Variants in ASB3 observed in about 807,000 individuals in gnomAD.
ASB3 encodes ankyrin repeat and SOCS box protein 3.
Under a neutral mutation model 54.5 loss-of-function variants are expected in ASB3, and 41 were observed. That is an observed-to-expected ratio of 0.75 (90% CI 0.59 to 0.98). The LOEUF is 0.98. ASB3 is among the 50% of genes least tolerant of loss of function. ASB3 has a pLI of 0.00. For synonymous variants in ASB3, 266 were observed against 221.2 expected, an observed-to-expected ratio of 1.20 and a Z score of -1.80; for missense variants, 733 against 620.0, an observed-to-expected ratio of 1.18 and a Z score of -1.94.
intron 7 of ASB3, among the ~76,000 whole-genome samples, chr2:53,709,075 G>A (rs1437704244): frequency 6.6e-6 from 1 of 152,192 alleles, no homozygotes; most frequent in Non-Finnish European, 1.5e-5. Context: ...AACCACCAGG[G>A]GGTGGTGGAA....
At chr2:53,695,118 C>T (rs1669116989) in intron 8 of ASB3, among the ~76,000 whole-genome samples, 1 of 151,904 alleles carries the variant, frequency 6.6e-6, no homozygotes, top group South Asian at 2.1e-4. Context: ...GGAGGTATTA[C>T]GGAGCAACAA....
chr2:53,704,089 C>T (rs1350404701), intron 7 of ASB3, among the ~76,000 whole-genome samples: 4 of 152,054 alleles, frequency 2.6e-5, no homozygotes, highest in Non-Finnish European at 4.4e-5. Flanking sequence ...AAGGGCTAGG[C>T]GTGGTGGCTC....
intron 5 of ASB3, among the ~76,000 whole-genome samples, chr2:53,720,716 A>G (rs903172642): frequency 3.9e-5 from 6 of 152,200 alleles, no homozygotes; most frequent in Admixed American, 2.6e-4. Flanking sequence ...TGTAAATTCA[A>G]CATTTGACCA....
intron 1 of ASB3, among the ~76,000 whole-genome samples, chr2:53,777,598 C>G (rs1674411749): frequency 6.6e-6 from 1 of 152,056 alleles, no homozygotes. Context: ...ACTTATTGTA[C>G]TAAAACCAGT....
At chr2:53,727,467 A>T (rs915865361) in intron 5 of ASB3, among the ~76,000 whole-genome samples, 1 of 130,806 alleles carries the variant, frequency 7.6e-6, no homozygotes, top group South Asian at 3.1e-4. Context: ...CACATGTCTT[A>T]AAAAAAAAAG....
intron 2 of ASB3, among the ~76,000 whole-genome samples, chr2:53,758,265 G>A (rs143712238): frequency 2.0e-5 from 3 of 152,204 alleles, no homozygotes; most frequent in African/African-American, 4.8e-5. Flanking sequence ...AGTAACCCAC[G>A]GAAAAAGGCA....
intron 1 of ASB3, 46 bp from the exon 2 acceptor site, chr2:53,765,631 A>C: frequency 6.2e-7 from 1 of 1,609,190 alleles, no homozygotes; most frequent in Non-Finnish European, 8.5e-7. Context: ...ATAAAACAAC[A>C]CTTCACTCCT....
At chr2:53,709,477 G>C (rs76869611) in intron 7 of ASB3, among the ~76,000 whole-genome samples, 115 of 152,302 alleles carry the variant, frequency 7.6e-4, no homozygotes, top group African/African-American at 2.5e-3. Context: ...CCAGAAAGAG[G>C]AGGGAAGGAG....
Position 53,765,403 on chromosome 2 carries a change from T to G in ASB3, c.170A>C (p.Glu57Ala). 1.9e-6 allele frequency: 3 copies of G among 1,614,212 alleles called. No individual in the cohort carries two copies. The highest frequency in any genetic ancestry group is 2.5e-6 in the Non-Finnish European group (3 of 1,180,030). Residue 57 changes from glutamate (E) to alanine (A), a missense_variant, in exon 2 of 10, where the codon GAA (glutamate) becomes GCA (alanine). Glu to Ala is a moderately radical substitution (Grantham distance 107). Coordinates refer to ENST00000263634, the MANE Select transcript of ASB3 (RefSeq NM_016115.5). ...IHEAAYHNSVECLQMLINADS... is the reference protein window; with the variant it reads ...IHEAAYHNSVACLQMLINADS... Reference sequence around the variant, plus strand: ...TGCATTAATTAACATTTGCAAACATTCTACAGAGTTGTGATAAGCTGCTTC... The same window carrying G: ...TGCATTAATTAACATTTGCAAACATGCTACAGAGTTGTGATAAGCTGCTTC...
intron 5 of ASB3, among the ~76,000 whole-genome samples, chr2:53,717,827 T>C (rs1032742154): frequency 5.9e-5 from 9 of 152,074 alleles, no homozygotes; most frequent in Non-Finnish European, 2.9e-5. Flanking sequence ...CATCTTAAGA[T>C]AAACATCTTA....
At chr2:53,694,485 A>T (rs1669083009) in intron 8 of ASB3, 1 of 152,876 alleles carries the variant, frequency 6.5e-6, no homozygotes, top group African/African-American at 2.4e-5. Context: ...CCAGGGATGC[A>T]CAGCTGTTCT....
At chr2:53,712,037 A>C (rs1320798871) in intron 7 of ASB3, among the ~76,000 whole-genome samples, 1 of 152,194 alleles carries the variant, frequency 6.6e-6, no homozygotes, top group African/African-American at 2.4e-5. Context: ...AGACATAAAA[A>C]GCAAACCAAA....
Position 53,670,677 on chromosome 2 carries a change from G to C in ASB3, c.1383C>G (p.Ser461=). ...TTTCCAAACGACAAAGATGGGTCAGGGATGGAACAGTGGCTGGAGAAACAA... is the reference window on the plus strand; with the variant it reads ...TTTCCAAACGACAAAGATGGGTCAGCGATGGAACAGTGGCTGGAGAAACAA... ...ILQQHIATVP[S]LTHLCRLEIR... is the part of the protein sequence containing the mutation. Residue 461 remains serine, a synonymous_variant, in exon 10 of 10, where the codon TCC becomes TCG. Coordinates refer to ENST00000263634, the MANE Select transcript of ASB3 (RefSeq NM_016115.5). The C allele has an allele frequency of 6.2e-7, 1 of 1,610,860 alleles. No homozygotes were observed. Among genetic ancestry groups the C allele is most frequent in the Non-Finnish European group, 8.5e-7 (1 of 1,178,576 alleles).
intron 1 of ASB3, chr2:53,767,732 T>C (rs1333453568): frequency 3.6e-6 from 3 of 841,718 alleles, no homozygotes; most frequent in Non-Finnish European, 5.4e-6. Flanking sequence ...TCGGAAAATC[T>C]TTCTGGATCT....
intron 9 of ASB3, among the ~76,000 whole-genome samples, chr2:53,684,078 T>C (rs970829695): frequency 3.3e-5 from 5 of 152,230 alleles, no homozygotes; most frequent in Admixed American, 2.6e-4. Context: ...TTAATGTAGA[T>C]GCTTTAGCTA....
chr2:53,699,791 C>T (rs1669384850), intron 8 of ASB3, among the ~76,000 whole-genome samples: 1 of 152,098 alleles, frequency 6.6e-6, no homozygotes, highest in South Asian at 2.1e-4. Flanking sequence ...CTGAGGGTTG[C>T]CCTTCTGAGG....
intron 8 of ASB3, among the ~76,000 whole-genome samples, chr2:53,696,541 C>G (rs1252606828): frequency 6.6e-6 from 1 of 152,070 alleles, no homozygotes; most frequent in Non-Finnish European, 1.5e-5. Context: ...TTTCCCCCTG[C>G]TTAGGTTTTT....
At chr2:53,678,197 C>T (rs1234917716) in intron 9 of ASB3, among the ~76,000 whole-genome samples, 2 of 151,824 alleles carry the variant, frequency 1.3e-5, no homozygotes, top group African/African-American at 4.8e-5. Flanking sequence ...TGGTAAATTA[C>T]CAGTACACAA....
At chr2:53,763,245 G>C (rs1673245362) in intron 2 of ASB3, among the ~76,000 whole-genome samples, 1 of 152,204 alleles carries the variant, frequency 6.6e-6, no homozygotes, top group African/African-American at 2.4e-5. Flanking sequence ...TGTAGTCCCA[G>C]CTACTTGGGA....
Sources: allele counts gnomAD v4.1 joint callset (sites outside exome capture counted in the v4.1 genomes callset), GRCh38; gene constraint gnomAD v4.1.1; transcripts MANE v1.5; gene names NCBI Gene and HGNC (gene_info 2026-07-23, HGNC 2026-07-21).